GRID2: variants seen among roughly 807,000 people sequenced by gnomAD.
The protein encoded by GRID2 is glutamate receptor ionotropic, delta-2.
In GRID2, 33 loss-of-function variants were observed where a neutral mutation model predicts 114.8. The observed-to-expected ratio is 0.29, with a 90% CI of 0.22 to 0.38. The LOEUF (loss-of-function observed/expected upper bound fraction) is 0.38. Ranked by LOEUF, GRID2 falls within the 10% of genes least tolerant of loss-of-function variation. The pLI, the probability that GRID2 is intolerant of heterozygous loss-of-function variation, is 1.00. For missense variants in GRID2, 1,184 were observed against 1,257.7 expected, an observed-to-expected ratio of 0.94 and a Z score of 0.89; for synonymous variants, 505 against 449.9, an observed-to-expected ratio of 1.12 and a Z score of -1.55.
At chr4:92,987,613 G>T (rs1754590224) in intron 2 of GRID2, among the ~76,000 whole-genome samples, 1 of 151,402 alleles carries the variant, frequency 6.6e-6, no homozygotes, top group African/African-American at 2.4e-5. Flanking sequence ...ATAAAAATAA[G>T]AAATAAATAA....
chr4:93,658,314 C>T (rs2149732996), intron 14 of GRID2, among the ~76,000 whole-genome samples: 1 of 152,074 alleles, frequency 6.6e-6, no homozygotes, highest in South Asian at 2.1e-4. Flanking sequence ...TTTGGAGCAT[C>T]AACAGAAGTT....
intron 1 of GRID2, among the ~76,000 whole-genome samples, chr4:92,383,748 G>A (rs1443722894): frequency 1.3e-5 from 2 of 151,772 alleles, no homozygotes; most frequent in Non-Finnish European, 2.9e-5. Context: ...ATTATTTCAA[G>A]CTTCACTATA....
At chr4:93,229,997 A>G (rs963472842) in intron 7 of GRID2, among the ~76,000 whole-genome samples, 12 of 152,162 alleles carry the variant, frequency 7.9e-5, no homozygotes, top group African/African-American at 2.9e-4. Flanking sequence ...TGAAGGAATT[A>G]TAGTTTTAAA....
intron 2 of GRID2, among the ~76,000 whole-genome samples, chr4:93,078,482 T>G (rs1427871831): frequency 6.6e-6 from 1 of 151,354 alleles, no homozygotes; most frequent in Non-Finnish European, 1.5e-5. Flanking sequence ...GAAATACATT[T>G]TATATATATA....
chr4:93,710,108 G>A lies in GRID2; in HGVS notation c.2361-59102G>A, dbSNP rs146126826. Among the ~76,000 whole-genome samples, 262 of 152,264 alleles carry A rather than the reference G, an allele frequency of 1.7e-3. 2 individuals are homozygous for A. Among genetic ancestry groups the A allele is most frequent in the African/African-American group, 6.1e-3 (254 of 41,556 alleles). ...TGTTTGGTGAGGTCATGTTTTCCTG[G>A]ATGGTCTTAATACTTGTGGATGTTT... On this transcript the variant is annotated intron_variant, in intron 14 of 15. Coordinates refer to ENST00000282020, the MANE Select transcript of GRID2 (RefSeq NM_001510.4).
chr4:93,282,087 A>T lies in GRID2; in HGVS notation c.1245+43597A>T, dbSNP rs954127507. ...GAGTTGTATTTATTTCTTTCCTTTT[A>T]CTTTTTTGAACGTCACATTATTCTT... On this transcript the variant is annotated intron_variant, in intron 8 of 15. Transcript: ENST00000282020. Among the ~76,000 whole-genome samples, 27 of 152,006 alleles carry T rather than the reference A, an allele frequency of 1.8e-4. 1 individual carries two copies. Among genetic ancestry groups the T allele is most frequent in the Non-Finnish European group, 1.5e-5 (1 of 67,956 alleles).
At chr4:92,630,149 T>G (rs1474973910) in intron 2 of GRID2, among the ~76,000 whole-genome samples, 1 of 152,056 alleles carries the variant, frequency 6.6e-6, no homozygotes, top group Non-Finnish European at 1.5e-5. Context: ...TTTTACAAAA[T>G]AGGCTATAAG....
At chr4:92,407,081 TAGAG>T (rs70940885) in intron 1 of GRID2, among the ~76,000 whole-genome samples, 40,228 of 150,204 alleles carry the variant, frequency 0.27, 5,395 homozygotes, top group African/African-American at 0.31. Context: ...TGGCAGGAGA[TAGAG>T]AGAGAGAGAG....
At chr4:93,468,174 A>G (rs568763436) in intron 11 of GRID2, among the ~76,000 whole-genome samples, 1 of 152,224 alleles carries the variant, frequency 6.6e-6, no homozygotes, top group African/African-American at 2.4e-5. Context: ...TTTTTTTCAG[A>G]TTAAGCATGT....
At position 93,138,908 on chromosome 4, in the gene GRID2, C is replaced by T. The variant is rs559983446; in HGVS notation, c.735+27955C>T. Among the ~76,000 whole-genome samples the T allele has an allele frequency of 7.2e-5, 11 of 152,298 alleles. No homozygotes were observed. In the South Asian group the frequency reaches 2.3e-3, roughly 32 times the overall value. On this transcript the variant is annotated intron_variant, in intron 4 of 15. Coordinates refer to ENST00000282020, the MANE Select transcript of GRID2 (RefSeq NM_001510.4). ...CACAGTTGTTTATCATCTTTATGGT[C>T]ATCTCCGTACTCCTCAGAGTGGCAT...
chr4:92,317,174 C>CT (rs1726030867), intron 1 of GRID2, among the ~76,000 whole-genome samples: 1 of 152,114 alleles, frequency 6.6e-6, no homozygotes, highest in African/African-American at 2.4e-5. Flanking sequence ...GTACACTGTT[C>CT]TTTCATATTA....
rs142723026 is a variant in GRID2, at chr4:93,786,314, G to A, written c.221+16864G>A. 3.6e-3 allele frequency among the ~76,000 whole-genome samples: 555 copies of A among 152,264 alleles called. 2 individuals carry two copies. Among genetic ancestry groups the A allele is most frequent in the Admixed American group, 9.0e-3 (137 of 15,302 alleles). On this transcript the variant is annotated intron_variant, in intron 1 of 1. Coordinates refer to the GRID2 transcript ENST00000637838. ...CCAAGGAATATGGTGATGAAGGAGA[G>A]GTGAAGGCCAGGAAAGGAGCTCAAC...
chr4:93,163,694 A>G (rs1486100900), intron 4 of GRID2, among the ~76,000 whole-genome samples: 1 of 151,824 alleles, frequency 6.6e-6, no homozygotes, highest in Non-Finnish European at 1.5e-5. Flanking sequence ...CCAAAAAAAG[A>G]AGTAAAACCA....
At chr4:92,986,393 G>C (rs1019818325) in intron 2 of GRID2, among the ~76,000 whole-genome samples, 4 of 151,956 alleles carry the variant, frequency 2.6e-5, no homozygotes. Context: ...ATGTGTTGAG[G>C]GTCTACTTTA....
chr4:93,491,854 T>C (rs979071840), intron 12 of GRID2, among the ~76,000 whole-genome samples: 3 of 151,938 alleles, frequency 2.0e-5, no homozygotes, highest in Admixed American at 2.0e-4. Context: ...GGTATTATTT[T>C]CTATTTGCTC....
intron 14 of GRID2, among the ~76,000 whole-genome samples, chr4:93,648,083 A>G (rs1722269206): frequency 6.6e-6 from 1 of 152,188 alleles, no homozygotes; most frequent in Admixed American, 6.5e-5. Context: ...GCCCTTAACC[A>G]GTTTGCTCTA....
At chr4:93,061,535 T>C (rs1294892822) in intron 2 of GRID2, among the ~76,000 whole-genome samples, 1 of 152,080 alleles carries the variant, frequency 6.6e-6, no homozygotes, top group Non-Finnish European at 1.5e-5. Context: ...CCAAAGGGTA[T>C]TGACGTACAA....
intron 2 of GRID2, among the ~76,000 whole-genome samples, chr4:92,913,039 A>T (rs1323571903): frequency 6.6e-6 from 1 of 151,886 alleles, no homozygotes; most frequent in Non-Finnish European, 1.5e-5. Flanking sequence ...AAAGAGGATA[A>T]CTTTGTGGTT....
chr4:92,465,077 C>T (rs2149090857), intron 1 of GRID2, among the ~76,000 whole-genome samples: 1 of 152,244 alleles, frequency 6.6e-6, no homozygotes, highest in Non-Finnish European at 1.5e-5. Flanking sequence ...GCCACCCAGC[C>T]ATGCTTCCTG....
Sources: allele counts gnomAD v4.1 joint callset (sites outside exome capture counted in the v4.1 genomes callset), GRCh38; gene constraint gnomAD v4.1.1; transcripts MANE v1.5; gene names NCBI Gene and HGNC (gene_info 2026-07-23, HGNC 2026-07-21).